RGS6: variants seen among roughly 807,000 people sequenced by gnomAD.
The protein encoded by RGS6 is regulator of G-protein signaling 6.
RGS6 carries 30 observed loss-of-function variants against 78.5 expected under a neutral mutation model. That is an observed-to-expected ratio of 0.38 (90% CI 0.29 to 0.52). The LOEUF is 0.52. Among genes scored for constraint, RGS6 ranks in the 20% least tolerant of loss-of-function variants. The pLI is 0.85. For synonymous variants in RGS6, 206 were observed against 206.0 expected (o/e 1.00, Z 0.00); for missense variants, 495 against 609.7 (o/e 0.81, Z 1.98).
chr14:72,375,035 A>G (rs967950560), intron 3 of RGS6, among the ~76,000 whole-genome samples: 3 of 152,208 alleles, frequency 2.0e-5, no homozygotes, highest in Non-Finnish European at 2.9e-5. Flanking sequence ...AAACTAGAAG[A>G]TAAAGCAGAT....
chr14:72,187,877 T>C (rs959404287), intron 2 of RGS6, among the ~76,000 whole-genome samples: 29 of 88,326 alleles, frequency 3.3e-4, no homozygotes, highest in African/African-American at 9.6e-4. Context: ...TTTGCAGACA[T>C]GTGTGGAACA....
At chr14:72,098,997 A>T (rs1178765650) in intron 2 of RGS6, among the ~76,000 whole-genome samples, 2 of 152,224 alleles carry the variant, frequency 1.3e-5, no homozygotes, top group Admixed American at 6.5e-5. Flanking sequence ...ATGCATCCTT[A>T]GAATTGTATG....
At chr14:72,486,833 A>G (rs1034410720) in intron 12 of RGS6, among the ~76,000 whole-genome samples, 3 of 152,210 alleles carry the variant, frequency 2.0e-5, no homozygotes, top group Non-Finnish European at 4.4e-5. Context: ...AGGAAAGGGT[A>G]AGGAGTCCTT....
chr14:72,401,524 A>G (rs554646805), intron 3 of RGS6, among the ~76,000 whole-genome samples: 77 of 152,148 alleles, frequency 5.1e-4, no homozygotes, highest in Non-Finnish European at 8.1e-4. Context: ...GGGAAAGGGC[A>G]AAGAATGAGA....
At chr14:71,882,108 C>T in the RGS6 span, among the ~76,000 whole-genome samples, 76,790 of 151,962 alleles carry the variant, frequency 0.51, 19,718 homozygotes, top group South Asian at 0.67. Context: ...TGTTAATTTC[C>T]CCTCTCAGCT....
chr14:72,372,531 C>A (rs1189926443), intron 3 of RGS6, among the ~76,000 whole-genome samples: 3 of 152,152 alleles, frequency 2.0e-5, no homozygotes, highest in Admixed American at 6.6e-5. Flanking sequence ...TCACTGATGG[C>A]ATTTGTTGAC....
rs115796263 is a variant in RGS6 at position 72,495,447 on chromosome 14, G to A, written c.965+185G>A. ...TCCTTATAGCTTTGATTTGTGCATGGATCCTTTGTGGCTCCCCTCTGACCC... is the reference window on the plus strand; with the variant it reads ...TCCTTATAGCTTTGATTTGTGCATGAATCCTTTGTGGCTCCCCTCTGACCC... On this transcript the variant is annotated intron_variant, in intron 13 of 17. Transcript: ENST00000553525. Among the ~76,000 whole-genome samples the A allele has an allele frequency of 5.6e-3, 858 of 152,214 alleles. 6 individuals carry two copies. Among genetic ancestry groups the A allele is most frequent in the African/African-American group, 0.018 (755 of 41,524 alleles).
At chr14:72,046,021 G>C (rs2092805470) in intron 2 of RGS6, among the ~76,000 whole-genome samples, 1 of 152,104 alleles carries the variant, frequency 6.6e-6, no homozygotes, top group African/African-American at 2.4e-5. Flanking sequence ...TTTGGTCGTA[G>C]TGAAGTCCTC....
Position 72,562,913 on chromosome 14 carries a change from C to A in RGS6, c.*446C>A. ...AGAGCACATCCAGCATTTGCATCAC[C>A]TCCCTGGCACCTCCCATAGTTACAG... On this transcript the variant is annotated 3_prime_UTR_variant, in exon 18 of 18. Transcript: ENST00000553525. The A allele has an allele frequency of 2.9e-6, 2 of 692,040 alleles. No homozygotes were observed. The highest frequency in any genetic ancestry group is 5.1e-6 in the Non-Finnish European group (2 of 393,700). The allele number at this position is 692,040 out of a possible 1,614,324, so 42.9% of individuals were successfully genotyped here. A position where few individuals can be genotyped will look rare whatever the true frequency, so the allele number is the denominator to read the frequency against.
intron 2 of RGS6, among the ~76,000 whole-genome samples, chr14:72,040,112 G>C (rs925266608): frequency 6.6e-6 from 1 of 151,440 alleles, no homozygotes; most frequent in Non-Finnish European, 1.5e-5. Flanking sequence ...TATAATTGTA[G>C]TTATTTTTTA....
At chr14:72,042,150 TAG>T (rs2092470844) in intron 2 of RGS6, among the ~76,000 whole-genome samples, 2 of 143,860 alleles carry the variant, frequency 1.4e-5, no homozygotes, top group Non-Finnish European at 3.0e-5. Context: ...TTTTTTGAGA[TAG>T]AGTCTTATTC....
At chr14:72,018,496 T>C (rs1375115866) in intron 2 of RGS6, among the ~76,000 whole-genome samples, 1 of 152,218 alleles carries the variant, frequency 6.6e-6, no homozygotes, top group East Asian at 1.9e-4. Context: ...ATTTCTCAGA[T>C]TGGGCATTTC....
chr14:72,284,991 G>C (rs1422519661), intron 2 of RGS6, among the ~76,000 whole-genome samples: 1 of 152,164 alleles, frequency 6.6e-6, no homozygotes, highest in East Asian at 1.9e-4. Flanking sequence ...CCTCATTTTG[G>C]CCAATTTCTC....
intron 2 of RGS6, among the ~76,000 whole-genome samples, chr14:72,076,329 A>G (rs910525060): frequency 3.3e-5 from 5 of 151,902 alleles, no homozygotes; most frequent in Non-Finnish European, 7.4e-5. Context: ...AATTATTTTC[A>G]TTTCTCCTAT....
intron 15 of RGS6, among the ~76,000 whole-genome samples, chr14:72,527,279 C>A (rs1481668647): frequency 6.6e-6 from 1 of 152,242 alleles, no homozygotes; most frequent in African/African-American, 2.4e-5. Flanking sequence ...CCTAACTTTC[C>A]TGCAACCACA....
intron 17 of RGS6, chr14:72,540,617 C>T (rs1303227743): frequency 6.8e-7 from 1 of 1,462,022 alleles, no homozygotes; most frequent in South Asian, 1.1e-5. Context: ...CTGCATGGGT[C>T]CTGGCGATGT....
intron 17 of RGS6, 120 bp from the exon 18 acceptor site, chr14:72,562,297 G>T: frequency 1.1e-6 from 1 of 907,160 alleles, no homozygotes; most frequent in Non-Finnish European, 1.8e-6. Context: ...TGGTCAGTTG[G>T]GTTGGTTGGT....
intron 2 of RGS6, among the ~76,000 whole-genome samples, chr14:72,002,578 A>T (rs1051485630): frequency 1.3e-5 from 2 of 149,064 alleles, no homozygotes; most frequent in African/African-American, 2.5e-5. Context: ...AAGGGTATGC[A>T]TTGAGGCAAG....
chr14:71,965,577 G>A (rs180880020), intron 2 of RGS6, among the ~76,000 whole-genome samples: 20 of 152,352 alleles, frequency 1.3e-4, no homozygotes, highest in African/African-American at 4.6e-4. Context: ...GCATTACAAG[G>A]AGTAAATGGA....
Sources: allele counts gnomAD v4.1 joint callset (sites outside exome capture counted in the v4.1 genomes callset), GRCh38; gene constraint gnomAD v4.1.1; transcripts MANE v1.5; gene names NCBI Gene and HGNC (gene_info 2026-07-23, HGNC 2026-07-21).